The following FOXP1 variants were observed in gnomAD, a reference collection of about 807,000 sequenced individuals.
The protein encoded by FOXP1 is forkhead box protein P1.
FOXP1 carries 15 observed loss-of-function variants against 98.2 expected under a neutral mutation model. The ratio of observed to expected loss-of-function variants is 0.15; its 90% CI spans 0.10 to 0.24. FOXP1 has a LOEUF of 0.24. FOXP1 is among the 10% of genes least tolerant of loss of function. The pLI, the probability that FOXP1 is intolerant of heterozygous loss-of-function variation, is 1.00. For synonymous variants in FOXP1, 371 were observed against 314.5 expected (o/e 1.18, Z -1.90); for missense variants, 633 against 848.5 (o/e 0.75, Z 3.15).
At chr3:71,184,394 G>A (rs75472130) in intron 6 of FOXP1, among the ~76,000 whole-genome samples, 20,565 of 152,212 alleles carry the variant, frequency 0.14, 1,940 homozygotes, top group Middle Eastern at 0.29. Context: ...TGCTCATTTA[G>A]TCAAAGATCT....
At chr3:71,379,098 T>C (rs538401369) in intron 3 of FOXP1, among the ~76,000 whole-genome samples, 2 of 152,264 alleles carry the variant, frequency 1.3e-5, no homozygotes, top group African/African-American at 4.8e-5. Flanking sequence ...TCATTACTGA[T>C]CTTGGTGGTT....
At position 71,203,157 on chromosome 3, in the gene FOXP1, G is replaced by A. The variant is rs909877330; in HGVS notation, c.-11-4765C>T. Among the ~76,000 whole-genome samples, 7 of 152,172 alleles carry A rather than the reference G, an allele frequency of 4.6e-5. No homozygotes were observed. In the East Asian group the frequency reaches 1.3e-3, roughly 29 times the overall value. On this transcript the variant is annotated intron_variant, in intron 5 of 20. Transcript: ENST00000649528. ...ACCAAATCTTCCTCTGCTTTCCTGT[G>A]TGGCATCTCCAGATGAACTGAGCCT...
intron 5 of FOXP1, among the ~76,000 whole-genome samples, chr3:71,256,614 C>T (rs2107128810): frequency 6.6e-6 from 1 of 152,260 alleles, no homozygotes. Context: ...AACCGCTTAA[C>T]CTCATGATTC....
intron 20 of FOXP1, among the ~76,000 whole-genome samples, chr3:70,960,272 A>G (rs1180766476): frequency 2.0e-5 from 3 of 152,180 alleles, no homozygotes; most frequent in African/African-American, 7.2e-5. Context: ...CAACAATATG[A>G]TAAGAAAGCA....
intron 6 of FOXP1, among the ~76,000 whole-genome samples, chr3:71,145,615 C>G (rs898207398): frequency 3.9e-5 from 6 of 152,198 alleles, no homozygotes; most frequent in Non-Finnish European, 5.9e-5. Flanking sequence ...ACTTTATATT[C>G]CCACCGGCAA....
chr3:70,984,937 C>T (rs908990630), intron 14 of FOXP1, among the ~76,000 whole-genome samples: 4 of 152,124 alleles, frequency 2.6e-5, no homozygotes, highest in South Asian at 4.1e-4. Context: ...AATCTAAGAA[C>T]GTTTTAGCAG....
intron 3 of FOXP1, among the ~76,000 whole-genome samples, chr3:71,433,874 A>G (rs2084961743): frequency 6.6e-6 from 1 of 152,240 alleles, no homozygotes; most frequent in South Asian, 2.1e-4. Flanking sequence ...CCCTGATGGC[A>G]CAGGGAAGCT....
At chr3:71,075,136 C>G (rs777974293) in intron 7 of FOXP1, among the ~76,000 whole-genome samples, 2 of 152,184 alleles carry the variant, frequency 1.3e-5, no homozygotes, top group Non-Finnish European at 2.9e-5. Context: ...AGCATGGTGA[C>G]TCTGGAGAGA....
chr3:71,276,778 G>C (rs780605236), intron 5 of FOXP1, among the ~76,000 whole-genome samples: 1 of 151,914 alleles, frequency 6.6e-6, no homozygotes, highest in Non-Finnish European at 1.5e-5. Flanking sequence ...CCTCCTTCTA[G>C]GTGTTTGAGA....
At chr3:71,175,000 GCCC>G (rs1375928228) in intron 6 of FOXP1, among the ~76,000 whole-genome samples, 1 of 150,086 alleles carries the variant, frequency 6.7e-6, no homozygotes, top group Non-Finnish European at 1.5e-5. Flanking sequence ...TGCAACCTCC[GCCC>G]CCGGGTTCAA....
chr3:71,562,280 T>C (rs1311120298), intron 2 of FOXP1, among the ~76,000 whole-genome samples: 6 of 152,258 alleles, frequency 3.9e-5, no homozygotes, highest in Non-Finnish European at 8.8e-5. Flanking sequence ...CCTTCTGCCC[T>C]GTTCCAAGTA....
chr3:70,974,600 A>T (rs1432058217), intron 17 of FOXP1, among the ~76,000 whole-genome samples: 1 of 152,168 alleles, frequency 6.6e-6, no homozygotes, highest in African/African-American at 2.4e-5. Context: ...GCTGCATTTT[A>T]AAAAAATATA....
intron 5 of FOXP1, among the ~76,000 whole-genome samples, chr3:71,213,302 C>A (rs2064643679): frequency 6.6e-6 from 1 of 152,202 alleles, no homozygotes; most frequent in Non-Finnish European, 1.5e-5. Flanking sequence ...GGATTCAGGA[C>A]AAACTACAGG....
intron 6 of FOXP1, among the ~76,000 whole-genome samples, chr3:71,147,012 C>T (rs576159016): frequency 8.5e-5 from 13 of 152,356 alleles, no homozygotes; most frequent in African/African-American, 2.6e-4. Flanking sequence ...CAAAGCCCCT[C>T]GTGCTCCAAG....
chr3:71,316,317 G>A (rs2075071405), intron 4 of FOXP1, among the ~76,000 whole-genome samples: 1 of 152,192 alleles, frequency 6.6e-6, no homozygotes, highest in Non-Finnish European at 1.5e-5. Context: ...CCACGGCATG[G>A]TGAGGGTTTC....
chr3:71,034,098 C>T lies in FOXP1; in HGVS notation c.869+7230G>A, dbSNP rs781340372. ...CACGCCCTCTATATTCTCCACTGTG[C>T]GTCACTGGTTTCTAACCTCCTGACT... On this transcript the variant is annotated intron_variant, in intron 11 of 20. Transcript: ENST00000649528. Among the ~76,000 whole-genome samples the T allele has an allele frequency of 7.9e-5, 12 of 152,250 alleles. No individual in the cohort carries two copies. The South Asian group carries it at 8.3e-4, about 11-fold the overall frequency.
intron 3 of FOXP1, among the ~76,000 whole-genome samples, chr3:71,411,546 T>A (rs546255539): frequency 7.4e-4 from 113 of 152,060 alleles, no homozygotes; most frequent in Non-Finnish European, 1.1e-3. Context: ...ATGGTCTCGA[T>A]CTCCTGACCT....
chr3:71,293,423 C>T (rs1418831359), intron 5 of FOXP1, among the ~76,000 whole-genome samples: 2 of 151,766 alleles, frequency 1.3e-5, no homozygotes, highest in East Asian at 3.9e-4. Flanking sequence ...GCTCTGATCA[C>T]ACCTATGAAC....
chr3:71,462,777 T>C (rs1028105428), intron 3 of FOXP1, among the ~76,000 whole-genome samples: 8 of 152,206 alleles, frequency 5.3e-5, no homozygotes, highest in Non-Finnish European at 1.5e-5. Flanking sequence ...AACATGTTTT[T>C]TATTTGTGTG....
Sources: allele counts gnomAD v4.1 joint callset (sites outside exome capture counted in the v4.1 genomes callset), GRCh38; gene constraint gnomAD v4.1.1; transcripts MANE v1.5; gene names NCBI Gene and HGNC (gene_info 2026-07-23, HGNC 2026-07-21).